The following PREPL variants were observed in gnomAD, a reference collection of about 807,000 sequenced individuals.
PREPL encodes the protein prolyl endopeptidase-like.
PREPL carries 77 observed loss-of-function variants against 70.6 expected under a neutral mutation model. The observed-to-expected ratio is 1.09, with a 90% confidence interval of 0.91 to 1.32. The LOEUF (loss-of-function observed/expected upper bound fraction) is 1.32. PREPL is among the 40% of genes most tolerant of loss of function. The probability of loss-of-function intolerance (pLI) is 0.00; values close to 1 mark genes in which losing one functional copy is unlikely to be tolerated. For missense variants in PREPL, 1,002 were observed against 778.2 expected (o/e 1.29, Z -3.42); for synonymous variants, 315 against 264.8 (o/e 1.19, Z -1.84).
intron 7 of PREPL, among the ~76,000 whole-genome samples, chr2:44,334,167 C>G (rs1483298504): frequency 6.6e-6 from 1 of 152,166 alleles, no homozygotes; most frequent in African/African-American, 2.4e-5. Flanking sequence ...AGCCACATTT[C>G]CTATTCAGAT....
chr2:44,324,789 A>G (rs1270031299), intron 10 of PREPL, among the ~76,000 whole-genome samples: 1 of 152,124 alleles, frequency 6.6e-6, no homozygotes, highest in Non-Finnish European at 1.5e-5. Context: ...CAGGAGGCTG[A>G]GGTGGGAGGA....
intron 2 of PREPL, 148 bp from the exon 3 acceptor site, chr2:44,344,734 A>C: frequency 3.6e-6 from 2 of 549,186 alleles, no homozygotes; most frequent in Non-Finnish European, 6.2e-6. Context: ...TATAAAATTG[A>C]CCATTTTTAC....
chr2:44,346,217 T>C (rs755316031), intron 2 of PREPL, 51 bp downstream of exon 2: 6 of 1,513,060 alleles, frequency 4.0e-6, no homozygotes, highest in Middle Eastern at 1.9e-4. Flanking sequence ...CTCATTTGCA[T>C]CTTGATTGGT....
intron 5 of PREPL, among the ~76,000 whole-genome samples, chr2:44,341,155 T>A (rs1675180898): frequency 6.6e-6 from 1 of 152,150 alleles, no homozygotes; most frequent in Non-Finnish European, 1.5e-5. Flanking sequence ...TATTTTCATC[T>A]TATTAAAAAA....
chr2:44,321,263 C>T lies in PREPL; in HGVS notation c.*93G>A. 9.2e-7 allele frequency: 1 copy of T among 1,086,516 alleles called. No individual in the cohort carries two copies. The highest frequency in any genetic ancestry group is 1.3e-6 in the Non-Finnish European group (1 of 749,538). The allele number at this position is 1,086,516 out of a possible 1,614,324, so 67.3% of individuals were successfully genotyped here. On this transcript the variant is annotated 3_prime_UTR_variant, in exon 14 of 14. Coordinates refer to ENST00000409411, the MANE Select transcript of PREPL (RefSeq NM_001171613.2). ...TTTAAAAAATTAATAACTTAAAAGT[C>T]TCAAGTTATTAATTTTTTTTTTGCT...
At chr2:44,347,894 G>A (rs1482546147) in intron 1 of PREPL, among the ~76,000 whole-genome samples, 1 of 151,988 alleles carries the variant, frequency 6.6e-6, no homozygotes, top group Admixed American at 6.6e-5. Flanking sequence ...AGAATATAAC[G>A]GAAAAATCAC....
At chr2:44,342,663 T>G in intron 4 of PREPL, 111 bp from the exon 5 acceptor site, 1 of 849,624 alleles carries the variant, frequency 1.2e-6, no homozygotes, top group South Asian at 1.9e-5. Context: ...TGTGCAAGTT[T>G]ATCCCTGGAA....
At chr2:44,356,279 C>G (rs1677033989) in intron 1 of PREPL, 1 of 152,290 alleles carries the variant, frequency 6.6e-6, no homozygotes, top group South Asian at 2.1e-4. Flanking sequence ...TGGTGGCTCA[C>G]TCCTGTAATC....
chr2:44,347,522 A>T (rs1380832498), intron 1 of PREPL, among the ~76,000 whole-genome samples: 1 of 152,252 alleles, frequency 6.6e-6, no homozygotes, highest in Non-Finnish European at 1.5e-5. Flanking sequence ...GTGACTAATA[A>T]GCTGACAGCT....
intron 2 of PREPL, among the ~76,000 whole-genome samples, chr2:44,345,780 G>T (rs545839663): frequency 1.3e-5 from 2 of 152,216 alleles, no homozygotes; most frequent in Non-Finnish European, 2.9e-5. Flanking sequence ...AAACAATCAA[G>T]TAATTTTCAA....
chr2:44,335,813 G>C (rs1470435803), intron 7 of PREPL, among the ~76,000 whole-genome samples: 1 of 150,842 alleles, frequency 6.6e-6, no homozygotes, highest in African/African-American at 2.4e-5. Context: ...CTAGTATCCA[G>C]AATTTATAAG....
intron 1 of PREPL, among the ~76,000 whole-genome samples, chr2:44,347,820 T>C (rs886921464): frequency 6.6e-6 from 1 of 152,234 alleles, no homozygotes; most frequent in African/African-American, 2.4e-5. Context: ...ACCAACATTG[T>C]AGAGAATGTA....
At chr2:44,338,002 G>A (rs1337091722) in intron 7 of PREPL, among the ~76,000 whole-genome samples, 1 of 152,244 alleles carries the variant, frequency 6.6e-6, no homozygotes, top group Non-Finnish European at 1.5e-5. Context: ...AGCAGTCAGT[G>A]TTTAGGCACT....
rs1467818332 is a variant in PREPL, at chr2:44,321,436, G to A, written c.1837C>T (p.Gln613Ter). 2 of 1,612,000 alleles carry A rather than the reference G, an allele frequency of 1.2e-6. No individual in the cohort carries two copies. Among genetic ancestry groups the A allele is most frequent in the Non-Finnish European group, 1.7e-6 (2 of 1,178,552 alleles). Residue 613 changes from glutamine to a stop codon, truncating the protein, a stop_gained, in exon 14 of 14, where the codon CAA (glutamine) becomes TAA (stop). Transcript: ENST00000409411. LOFTEE classifies it high-confidence loss of function. ...IEDSHKKITA[Q>*]IKFLYEELGL... ...AGTTCCTCGTACAGGAATTTAATTTGGGCTGTAATCTAAAAGAAACACATT... is the reference window on the plus strand; with the variant it reads ...AGTTCCTCGTACAGGAATTTAATTTAGGCTGTAATCTAAAAGAAACACATT...
chr2:44,340,224 A>G (rs999972108), intron 5 of PREPL, among the ~76,000 whole-genome samples: 2 of 152,098 alleles, frequency 1.3e-5, no homozygotes, highest in Non-Finnish European at 2.9e-5. Context: ...AATAAACAAT[A>G]TAACAAGAAA....
chr2:44,341,285 T>G (rs192071557), intron 5 of PREPL, among the ~76,000 whole-genome samples: 1 of 152,282 alleles, frequency 6.6e-6, no homozygotes, highest in East Asian at 1.9e-4. Flanking sequence ...ACCGATTCAT[T>G]TTTCATTAGT....
intron 1 of PREPL, among the ~76,000 whole-genome samples, chr2:44,348,578 A>C (rs1322937507): frequency 2.6e-5 from 4 of 152,228 alleles, no homozygotes; most frequent in Non-Finnish European, 4.4e-5. Flanking sequence ...TAGCCAACAC[A>C]GAGCCAAAAG....
chr2:44,320,701 C>A lies in PREPL; in HGVS notation c.*655G>T. The A allele has an allele frequency of 1.6e-6, 2 of 1,243,328 alleles. No individual in the cohort carries two copies. Among genetic ancestry groups the A allele is most frequent in the Non-Finnish European group, 2.4e-6 (2 of 843,534 alleles). The allele number at this position is 1,243,328 out of a possible 1,614,324, so 77.0% of individuals were successfully genotyped here. ...GTGGGATTGTAAGCATTTGTAATAG[C>A]TTCATGTACAGCATGCTGCTTGGTG... On this transcript the variant is annotated 3_prime_UTR_variant, in exon 14 of 14. Transcript: ENST00000409411.
Position 44,334,917 on chromosome 2 carries a change from T to C in PREPL, c.889-2261A>G, listed in dbSNP as rs566913650. ...GTGCCCACCAGGCAGAGATACTGCA[T>C]AAAGAAATATTTTATAATGCACTCA... On this transcript the variant is annotated intron_variant, in intron 7 of 13. Transcript: ENST00000409411. 4.6e-5 allele frequency among the ~76,000 whole-genome samples: 7 copies of C among 152,280 alleles called. No homozygotes were observed. In the South Asian group the frequency reaches 8.3e-4, roughly 18 times the overall value.
Sources: gnomAD v4.1 joint callset for allele counts (sites outside exome capture counted in the v4.1 genomes callset) on GRCh38, gnomAD v4.1.1 for gene constraint, MANE v1.5 for transcripts, NCBI Gene and HGNC (gene_info 2026-07-23, HGNC 2026-07-21) for gene names.